MRAP2: variants seen among roughly 807,000 people sequenced by gnomAD.
MRAP2 encodes the protein melanocortin-2 receptor accessory protein 2.
In MRAP2, 20 loss-of-function variants were observed where a neutral mutation model predicts 17.4. The observed-to-expected ratio is 1.15, with a 90% CI of 0.81 to 1.67. The LOEUF is 1.67. Among genes scored for constraint, MRAP2 ranks in the 40% most tolerant of loss-of-function variants. The pLI, the probability that MRAP2 is intolerant of heterozygous loss-of-function variation, is 0.00. For missense variants in MRAP2, 238 were observed against 240.0 expected (o/e 0.99, Z 0.05); for synonymous variants, 96 against 88.4 (o/e 1.09, Z -0.48).
chr6:84,045,710 C>G (rs1273252986), intron 1 of MRAP2, among the ~76,000 whole-genome samples: 3 of 152,056 alleles, frequency 2.0e-5, no homozygotes, highest in African/African-American at 4.8e-5. Flanking sequence ...TTGCATTGAG[C>G]TGAGATCACG....
intron 2 of MRAP2, among the ~76,000 whole-genome samples, chr6:84,059,636 AG>A (rs1311669332): frequency 6.6e-6 from 1 of 152,162 alleles, no homozygotes; most frequent in African/African-American, 2.4e-5. Context: ...GGTTAGGTTA[AG>A]GGGGGTTACT....
At chr6:84,117,979 T>C in the MRAP2 span, among the ~76,000 whole-genome samples, 2 of 152,318 alleles carry the variant, frequency 1.3e-5, no homozygotes, top group Admixed American at 1.3e-4. Flanking sequence ...TTCTTAAATA[T>C]GCAGTCTAGC....
chr6:84,041,069 C>G (rs118059347), intron 1 of MRAP2, among the ~76,000 whole-genome samples: 533 of 152,298 alleles, frequency 3.5e-3, no homozygotes, highest in Non-Finnish European at 5.8e-3. Flanking sequence ...TCAGGCCCCC[C>G]CTGCTGCGTG....
chr6:84,041,713 G>A (rs1357929102), intron 1 of MRAP2, among the ~76,000 whole-genome samples: 1 of 152,244 alleles, frequency 6.6e-6, no homozygotes, highest in African/African-American at 2.4e-5. Flanking sequence ...CATGGGGCCT[G>A]TAGCCCCTTT....
At chr6:84,084,416 T>A (rs2099499770) in intron 3 of MRAP2, among the ~76,000 whole-genome samples, 1 of 152,244 alleles carries the variant, frequency 6.6e-6, no homozygotes, top group Admixed American at 6.5e-5. Context: ...AACATTTATG[T>A]AGTTATTTGC....
At chr6:84,034,513 C>G (rs960360298) in intron 1 of MRAP2, among the ~76,000 whole-genome samples, 117 of 147,902 alleles carry the variant, frequency 7.9e-4, no homozygotes, top group Non-Finnish European at 1.5e-3. Context: ...CCGCCCGCCC[C>G]GCGCCCCGTG....
At chr6:84,143,504 G>A in the MRAP2 span, among the ~76,000 whole-genome samples, 1 of 151,952 alleles carries the variant, frequency 6.6e-6, no homozygotes, top group South Asian at 2.1e-4. Context: ...GAGGAATGAA[G>A]ATGTGTTTTC....
the MRAP2 span, among the ~76,000 whole-genome samples, chr6:84,141,310 T>C: frequency 6.6e-6 from 1 of 152,200 alleles, no homozygotes; most frequent in Non-Finnish European, 1.5e-5. Context: ...TTACTGGTAC[T>C]TATGGTAAAA....
chr6:84,072,327 C>T (rs1453567025), intron 3 of MRAP2, among the ~76,000 whole-genome samples: 3 of 152,150 alleles, frequency 2.0e-5, no homozygotes, highest in Non-Finnish European at 4.4e-5. Context: ...AGCTGAACTG[C>T]AGTGATTGTT....
chr6:84,123,939 A>G, the MRAP2 span, among the ~76,000 whole-genome samples: 2 of 152,140 alleles, frequency 1.3e-5, no homozygotes, highest in African/African-American at 4.8e-5. Context: ...CAGAAATACA[A>G]CTGACCAACA....
At chr6:84,131,227 T>C in the MRAP2 span, among the ~76,000 whole-genome samples, 1 of 152,214 alleles carries the variant, frequency 6.6e-6, no homozygotes, top group African/African-American at 2.4e-5. Context: ...AGACTGTTTG[T>C]TATGATTTCC....
the MRAP2 span, among the ~76,000 whole-genome samples, chr6:84,138,794 A>AAACTT: frequency 6.6e-6 from 1 of 152,320 alleles, no homozygotes; most frequent in East Asian, 1.9e-4. Context: ...CTTTCACTAA[A>AAACTT]AACTTTACTT....
the MRAP2 span, among the ~76,000 whole-genome samples, chr6:84,112,554 G>C: frequency 6.6e-6 from 1 of 151,982 alleles, no homozygotes; most frequent in Non-Finnish European, 1.5e-5. Context: ...CAAAAAACTG[G>C]CTCCTGGATT....
chr6:84,109,377 G>A, the MRAP2 span, among the ~76,000 whole-genome samples: 2 of 152,174 alleles, frequency 1.3e-5, no homozygotes, highest in East Asian at 1.9e-4. Flanking sequence ...TTTCCTTGAA[G>A]AGGTCCTTCA....
In MRAP2 at chr6:84,055,351, C is replaced by G; in HGVS notation, c.33C>G (p.Thr11=). Residue 11 remains threonine, a synonymous_variant, in exon 2 of 4, where the codon ACC becomes ACG. Coordinates refer to ENST00000257776, the MANE Select transcript of MRAP2 (RefSeq NM_138409.4). MSAQRLISNR[T]SQQSASNSDY... ...CCCAGAGGTTAATTTCTAACAGAAC[C>G]TCCCAGCAATCGGCATCTAATTCTG... is the stretch of plus-strand genomic sequence containing the variant. 1 of 1,613,716 alleles carries G rather than the reference C, an allele frequency of 6.2e-7. No homozygotes were observed. The highest frequency in any genetic ancestry group is 8.5e-7 in the Non-Finnish European group (1 of 1,179,906).
the MRAP2 span, among the ~76,000 whole-genome samples, chr6:84,139,830 T>C: frequency 6.6e-6 from 1 of 151,416 alleles, no homozygotes; most frequent in Non-Finnish European, 1.5e-5. Context: ...GAAAAGGTCA[T>C]TGTTTTCCAT....
chr6:84,082,037 A>G (rs1317542746), intron 3 of MRAP2, among the ~76,000 whole-genome samples: 1 of 152,224 alleles, frequency 6.6e-6, no homozygotes, highest in African/African-American at 2.4e-5. Flanking sequence ...GTGTGAAAAC[A>G]GATTAATACA....
the MRAP2 span, among the ~76,000 whole-genome samples, chr6:84,098,327 T>TAGCC: frequency 6.6e-6 from 1 of 152,208 alleles, no homozygotes; most frequent in Non-Finnish European, 1.5e-5. Context: ...ATTGTGTGGC[T>TAGCC]ATACATACCA....
In MRAP2 at chr6:84,084,859, CTTTATTTTATTTTATTTTAT is replaced by C. The variant is rs766383974; in HGVS notation, c.228-4194_228-4175del. On this transcript the variant is annotated intron_variant, in intron 3 of 3. Coordinates refer to ENST00000257776, the MANE Select transcript of MRAP2 (RefSeq NM_138409.4). ...GGTATTTGAGAATCTCATTTCATTT[CTTTATTTTATTTTATTTTAT>C]TTTATTTTATTTTATTTTATTTTAT... Among the ~76,000 whole-genome samples, 569 of 137,140 alleles carry C rather than the reference CTTTATTTTATTTTATTTTAT, an allele frequency of 4.1e-3. 9 individuals are homozygous for C. Among genetic ancestry groups the C allele is most frequent in the African/African-American group, 0.014 (503 of 35,234 alleles). The allele number at this position is 137,140 out of a possible 152,430, so 90.0% of individuals were successfully genotyped here. A position where few individuals can be genotyped will look rare whatever the true frequency, so the allele number is the denominator to read the frequency against.
Sources: allele counts gnomAD v4.1 joint callset (sites outside exome capture counted in the v4.1 genomes callset), GRCh38; gene constraint gnomAD v4.1.1; transcripts MANE v1.5; gene names NCBI Gene and HGNC (gene_info 2026-07-23, HGNC 2026-07-21).